The following APPL1 variants were observed in gnomAD, a reference collection of about 807,000 sequenced individuals.
APPL1 encodes adaptor protein, phosphotyrosine interacting with PH domain and leucine zipper 1.
Under a neutral mutation model 106.8 loss-of-function variants are expected in APPL1, and 42 were observed. The ratio of observed to expected loss-of-function variants is 0.39; its 90% CI spans 0.31 to 0.51. The LOEUF is 0.51. Among genes scored for constraint, APPL1 ranks in the 20% least tolerant of loss-of-function variants. The pLI, the probability that APPL1 is intolerant of heterozygous loss-of-function variation, is 0.75. For synonymous variants in APPL1, 263 were observed against 281.8 expected, an observed-to-expected ratio of 0.93 and a Z score of 0.67; for missense variants, 769 against 858.2, an observed-to-expected ratio of 0.90 and a Z score of 1.30.
intron 7 of APPL1, among the ~76,000 whole-genome samples, chr3:57,245,658 TC>T (rs1444015621): frequency 6.6e-6 from 1 of 151,884 alleles, no homozygotes; most frequent in East Asian, 1.9e-4. Context: ...TTCTCATGCC[TC>T]GGCCTCCCCA....
In APPL1 at chr3:57,272,563, C is replaced by T. The variant is rs1360223392; in HGVS notation, c.*2876C>T. ...TATTAATGCTGAGAGATCCTAAGAGCTAGTATGTTGTAAAACCTGCCACCT... is the reference window on the plus strand; with the variant it reads ...TATTAATGCTGAGAGATCCTAAGAGTTAGTATGTTGTAAAACCTGCCACCT... On this transcript the variant is annotated 3_prime_UTR_variant, in exon 22 of 22. Coordinates refer to ENST00000288266, the MANE Select transcript of APPL1 (RefSeq NM_012096.3). 1 of 151,934 alleles carries T rather than the reference C, an allele frequency of 6.6e-6. No individual in the cohort carries two copies. Among genetic ancestry groups the T allele is most frequent in the African/African-American group, 2.4e-5 (1 of 41,316 alleles). The allele number at this position is 151,934 out of a possible 1,614,324, so 9.4% of individuals were successfully genotyped here.
intron 12 of APPL1, 85 bp downstream of exon 12, chr3:57,252,396 G>T: frequency 2.1e-6 from 2 of 974,530 alleles, no homozygotes; most frequent in South Asian, 3.6e-5. Flanking sequence ...GTTCATTGTA[G>T]AAATTTTGGA....
intron 10 of APPL1, among the ~76,000 whole-genome samples, chr3:57,248,733 G>C (rs982325133): frequency 2.0e-5 from 3 of 152,054 alleles, no homozygotes; most frequent in Non-Finnish European, 4.4e-5. Context: ...AGCTGAGCAT[G>C]GTGGCTTACA....
rs1384991564 is a variant in APPL1 at position 57,272,092 on chromosome 3, A to G, written c.*2405A>G. 1 of 152,178 alleles carries G rather than the reference A, an allele frequency of 6.6e-6. No individual in the cohort carries two copies. The highest frequency in any genetic ancestry group is 1.9e-4 in the East Asian group (1 of 5,202). The allele number at this position is 152,178 out of a possible 1,614,324, so 9.4% of individuals were successfully genotyped here. ...TCGATTTTGGGATATCTTTTCTCAC[A>G]TTCAGACTTACACTTAATGGTGTTA... On this transcript the variant is annotated 3_prime_UTR_variant, in exon 22 of 22. Coordinates refer to ENST00000288266, the MANE Select transcript of APPL1 (RefSeq NM_012096.3).
chr3:57,258,861 A>G (rs564400979), intron 15 of APPL1, 167 bp from the exon 16 acceptor site: 2 of 548,898 alleles, frequency 3.6e-6, no homozygotes, highest in Middle Eastern at 4.8e-4. Flanking sequence ...GTGTGAGGGC[A>G]GAGGCCTTCA....
In APPL1 at chr3:57,267,776, C is replaced by T. The variant is rs748971201; in HGVS notation, c.1877C>T (p.Ala626Val). 1.9e-6 allele frequency: 3 copies of T among 1,613,694 alleles called. No homozygotes were observed. The highest frequency in any genetic ancestry group is 1.1e-5 in the South Asian group (1 of 91,084). Residue 626 changes from alanine to valine, a missense_variant, in exon 20 of 22, where the codon GCT becomes GTT. Ala to Val is a moderately conservative substitution (Grantham distance 64, BLOSUM62 0). Coordinates refer to ENST00000288266, the MANE Select transcript of APPL1 (RefSeq NM_012096.3). ...CDSVGLAKQI[A>V]LHAELDRRAS... Reference sequence around the variant, plus strand: ...TCTGTTGGACTGGCAAAACAGATAGCTTTGCATGCTGAACTGGTAAGAATC... The same window carrying T: ...TCTGTTGGACTGGCAAAACAGATAGTTTTGCATGCTGAACTGGTAAGAATC...
At chr3:57,263,343 A>T (rs2060877618) in intron 19 of APPL1, among the ~76,000 whole-genome samples, 1 of 151,598 alleles carries the variant, frequency 6.6e-6, no homozygotes. Context: ...TCTATCAAAT[A>T]CCAGGTTTTA....
At chr3:57,230,529 T>A (rs1056747445) in intron 1 of APPL1, among the ~76,000 whole-genome samples, 4 of 152,244 alleles carry the variant, frequency 2.6e-5, no homozygotes, top group Middle Eastern at 6.3e-3. Flanking sequence ...ACATTATCAC[T>A]TAAGTATCTT....
chr3:57,273,452 TAC>T lies in APPL1; in HGVS notation c.*3767_*3768del, dbSNP rs908570979. On this transcript the variant is annotated 3_prime_UTR_variant, in exon 22 of 22. Transcript: ENST00000288266. ...TGTATAATAAAGTCCATGATTTTTGTACAGTGTTTTTTAATGAAATATTTGAT... is the reference window on the plus strand; with the variant it reads ...TGTATAATAAAGTCCATGATTTTTGTAGTGTTTTTTAATGAAATATTTGAT... The T allele has an allele frequency of 6.6e-6, 1 of 152,644 alleles. No individual in the cohort carries two copies. The highest frequency in any genetic ancestry group is 1.5e-5 in the Non-Finnish European group (1 of 68,026). The allele number at this position is 152,644 out of a possible 1,614,324, so 9.5% of individuals were successfully genotyped here.
intron 19 of APPL1, among the ~76,000 whole-genome samples, chr3:57,262,238 CAGA>C (rs2060870170): frequency 6.6e-6 from 1 of 151,926 alleles, no homozygotes; most frequent in Admixed American, 6.6e-5. Flanking sequence ...TTTGGCTATG[CAGA>C]CACTTTTTAG....
At position 57,248,223 on chromosome 3, in the gene APPL1, G is replaced by T; in HGVS notation, c.735G>T (p.Glu245Asp). 6 of 1,614,128 alleles carry T rather than the reference G, an allele frequency of 3.7e-6. No individual in the cohort carries two copies. Among genetic ancestry groups the T allele is most frequent in the Non-Finnish European group, 5.1e-6 (6 of 1,180,014 alleles). Residue 245 changes from glutamate (E) to aspartate (D), a missense_variant, in exon 10 of 22, where the codon GAG (glutamate) becomes GAT (aspartate). Transcript: ENST00000288266. ...GCAGGGAAATGGACAGTGATATAGA[G>T]ACCATGCAACAGACAATAGAGGATT... is the stretch of plus-strand genomic sequence containing the variant. ...NVRREMDSDIETMQQTIEDLE... is the reference protein window; with the variant it reads ...NVRREMDSDIDTMQQTIEDLE...
At chr3:57,250,005 T>G in intron 11 of APPL1, among the ~76,000 whole-genome samples, 1 of 152,212 alleles carries the variant, frequency 6.6e-6, no homozygotes, top group East Asian at 1.9e-4. Flanking sequence ...TAAATTGTTG[T>G]GAGGAACAGA....
At chr3:57,235,700 C>T in intron 2 of APPL1, 36 bp downstream of exon 2, 1 of 1,491,048 alleles carries the variant, frequency 6.7e-7, no homozygotes. Context: ...GCTTTTAAAA[C>T]ACGAATCTTT....
intron 21 of APPL1, chr3:57,268,812 G>C (rs2060913632): frequency 6.1e-6 from 1 of 162,848 alleles, no homozygotes; most frequent in Non-Finnish European, 1.3e-5. Context: ...CCTTCTATGG[G>C]GGGGAAATAA....
rs1389571977 is a variant in APPL1 at position 57,270,555 on chromosome 3, A to G, written c.*868A>G. 1 of 152,660 alleles carries G rather than the reference A, an allele frequency of 6.6e-6. No individual in the cohort carries two copies. Among genetic ancestry groups the G allele is most frequent in the Non-Finnish European group, 1.5e-5 (1 of 68,028 alleles). 9.5% of individuals were successfully genotyped at this position (152,660 alleles called of 1,614,324 possible). ...TTCTGCATTGTGTGAAATAGTTTTT[A>G]TTGAAAGTCAAGTGACATTTCAAAA... On this transcript the variant is annotated 3_prime_UTR_variant, in exon 22 of 22. Coordinates refer to ENST00000288266, the MANE Select transcript of APPL1 (RefSeq NM_012096.3).
chr3:57,254,768 G>A (rs1397586627), intron 13 of APPL1, among the ~76,000 whole-genome samples: 13 of 152,170 alleles, frequency 8.5e-5, no homozygotes, highest in African/African-American at 2.9e-4. Context: ...GGGACTACAG[G>A]CCTGCGCCAC....
In APPL1 at chr3:57,248,321, C is replaced by T; in HGVS notation, c.833C>T (p.Thr278Ile). The T allele has an allele frequency of 6.2e-7, 1 of 1,614,024 alleles. No individual in the cohort carries two copies. ...PTKFPVNRNL[T>I]RKAGYLNARN... ...AAATTTCCTGTTAATCGAAATTTAA[C>T]CCGAAAGGCTGGATACCTTAATGCT... Residue 278 changes from threonine to isoleucine, a missense_variant, in exon 10 of 22, where the codon ACC becomes ATC. Thr to Ile is a moderately conservative substitution (Grantham distance 89, BLOSUM62 -1). Coordinates refer to ENST00000288266, the MANE Select transcript of APPL1 (RefSeq NM_012096.3).
At chr3:57,269,203 AG>A (rs1474571500) in intron 21 of APPL1, 2 of 170,518 alleles carry the variant, frequency 1.2e-5, no homozygotes, top group Non-Finnish European at 2.5e-5. Flanking sequence ...AGGGCTGGAG[AG>A]GGGAAGGGAA....
At chr3:57,229,133 C>T (rs1256408907) in intron 1 of APPL1, among the ~76,000 whole-genome samples, 1 of 152,322 alleles carries the variant, frequency 6.6e-6, no homozygotes, top group South Asian at 2.1e-4. Context: ...GAGAAACTCA[C>T]ATTTGGTTTA....
Sources: allele counts gnomAD v4.1 joint callset (sites outside exome capture counted in the v4.1 genomes callset), GRCh38; gene constraint gnomAD v4.1.1; transcripts MANE v1.5; gene names NCBI Gene and HGNC (gene_info 2026-07-23, HGNC 2026-07-21).